PKD1: variants seen among roughly 807,000 people sequenced by gnomAD.
PKD1 encodes polycystin 1, transient receptor potential channel interacting, also known as polycystin-1.
A neutral mutation model predicts 361.7 loss-of-function variants in PKD1; 81 were observed. That is an observed-to-expected ratio of 0.22 (90% CI 0.19 to 0.27). The LOEUF (loss-of-function observed/expected upper bound fraction) is 0.27, where lower values mean the gene tolerates loss of function less well. PKD1 is among the 10% of genes least tolerant of loss of function. The pLI is 1.00. For missense variants in PKD1, 6,399 were observed against 6,118.3 expected (o/e 1.05, Z -1.53); for synonymous variants, 3,615 against 2,818.3 (o/e 1.28, Z -8.95).
chr16:2,104,529 G>A lies in PKD1; in HGVS notation c.8130C>T (p.Thr2710=), dbSNP rs548582219. 2.5e-4 allele frequency: 391 copies of A among 1,565,514 alleles called. No homozygotes were observed. In the African/African-American group the frequency reaches 3.5e-3, roughly 14 times the overall value. ...AETTAGTVTP[T]AIGDSILNIT... ...TGTTGAGGATGCTGTCTCCGATGGCGGTGGGCGTCACGGTGCCCGCGGTGG... is the reference window on the plus strand; with the variant it reads ...TGTTGAGGATGCTGTCTCCGATGGCAGTGGGCGTCACGGTGCCCGCGGTGG... The change falls in exon 22 of 46, where the codon ACC becomes ACT. Residue 2710 remains threonine, a synonymous_variant. Coordinates refer to ENST00000262304, the MANE Select transcript of PKD1 (RefSeq NM_001009944.3).
At position 2,127,009 on chromosome 16, in the gene PKD1, G is replaced by A. The variant is rs1016702587; in HGVS notation, c.216-7631C>T. Among the ~76,000 whole-genome samples, 27 of 152,278 alleles carry A rather than the reference G, an allele frequency of 1.8e-4. 1 individual carries two copies. The highest frequency in any genetic ancestry group is 1.3e-3 in the Admixed American group (20 of 15,306). Reference sequence around the variant, plus strand: ...GATGGCAGAGGAGATCCACAGAGACGGCTCCAGCAGGAGGCCCTCATAGAG... The same window carrying A: ...GATGGCAGAGGAGATCCACAGAGACAGCTCCAGCAGGAGGCCCTCATAGAG... On this transcript the variant is annotated intron_variant, in intron 1 of 45. Coordinates refer to ENST00000262304, the MANE Select transcript of PKD1 (RefSeq NM_001009944.3).
rs1486764809 is a variant in PKD1 at position 2,102,577 on chromosome 16, G to A, written c.9005C>T (p.Ser3002Leu). The change falls in exon 25 of 46, where the codon TCG (serine) becomes TTG (leucine). Residue 3002 changes from serine (S) to leucine (L), a missense_variant. By Grantham distance (145) the Ser-to-Leu change is moderately radical (BLOSUM62 -2). Coordinates refer to ENST00000262304, the MANE Select transcript of PKD1 (RefSeq NM_001009944.3). ...HLNLSSHFRW[S>L]ALQVSVGLYT... ...CAGGCCCACGGACACCTGCAGCGCC[G>A]ACCAGCGGAAGTGGCTGGAGAGGTT... 3 of 1,610,962 alleles carry A rather than the reference G, an allele frequency of 1.9e-6. No individual in the cohort carries two copies. The highest frequency in any genetic ancestry group is 1.3e-5 in the African/African-American group (1 of 74,894).
Position 2,097,886 on chromosome 16 carries a change from G to A in PKD1, c.10149C>T (p.Phe3383=), listed in dbSNP as rs777985330. The A allele has an allele frequency of 1.5e-5, 24 of 1,603,264 alleles. No homozygotes were observed. Among genetic ancestry groups the A allele is most frequent in the Admixed American group, 3.3e-5 (2 of 59,994 alleles). Residue 3383 remains phenylalanine, a synonymous_variant, in exon 31 of 46, where the codon TTC becomes TTT. Coordinates refer to ENST00000262304, the MANE Select transcript of PKD1 (RefSeq NM_001009944.3). ...TCCTCACCTCAGCGTGGAGGCCTGA[G>A]AACGTGAGGAAGGAGCTGTCCAGCA... ...SSVLDSSFLT[F]SGLHAEQAFV...
Position 2,089,002 on chromosome 16 carries a change from G to A in PKD1, c.*725C>T, listed in dbSNP as rs1180789393. On this transcript the variant is annotated 3_prime_UTR_variant, in exon 46 of 46. Transcript: ENST00000262304. ...CTAGTCCTGCTACTTGCCCAGACCT[G>A]ATGCCAGCAGGCCTGGGCGCTGCTC... The A allele has an allele frequency of 2.0e-5, 5 of 246,922 alleles. No individual in the cohort carries two copies. In the East Asian group the frequency reaches 2.7e-4, roughly 13 times the overall value. The allele number at this position is 246,922 out of a possible 1,614,324, so 15.3% of individuals were successfully genotyped here.
chr16:2,129,706 C>T (rs1250690422), intron 1 of PKD1, among the ~76,000 whole-genome samples: 3 of 151,762 alleles, frequency 2.0e-5, no homozygotes, highest in Non-Finnish European at 4.4e-5. Flanking sequence ...CATACCACCA[C>T]GCCCGGCCAA....
Position 2,116,659 on chromosome 16 carries a change from G to A in PKD1, c.1607-15C>T. The A allele has an allele frequency of 1.4e-6, 2 of 1,411,058 alleles. No individual in the cohort carries two copies. Among genetic ancestry groups the A allele is most frequent in the Non-Finnish European group, 1.9e-6 (2 of 1,032,610 alleles). The allele number at this position is 1,411,058 out of a possible 1,614,324, so 87.4% of individuals were successfully genotyped here. Reference sequence around the variant, plus strand: ...CTGCACTGGGCCTGGGGTGGCGAGTGCACAGTGAGGCGCCGGGCCAGGGCC... The same window carrying A: ...CTGCACTGGGCCTGGGGTGGCGAGTACACAGTGAGGCGCCGGGCCAGGGCC... On this transcript the variant is annotated splice_polypyrimidine_tract_variant and intron_variant, in intron 7 of 45. Transcript: ENST00000262304.
At chr16:2,099,574 G>C in intron 30 of PKD1, 70 bp downstream of exon 30, 1 of 1,474,350 alleles carries the variant, frequency 6.8e-7, no homozygotes, top group Middle Eastern at 2.4e-4. Flanking sequence ...CTGGAAAGTG[G>C]CGGCCCTAGG....
rs241572 is a variant in PKD1, at chr16:2,110,497, C to T, written c.4670G>A (p.Arg1557His). 16 of 1,612,184 alleles carry T rather than the reference C, an allele frequency of 9.9e-6. No homozygotes were observed. The highest frequency in any genetic ancestry group is 1.7e-4 in the Middle Eastern group (1 of 5,974). ...RVRGLVVNAS[R>H]TVVPLNGSVS... ...GCTCCCATTCAGGGGCACCACCGTG[C>T]GGCTTGCATTGACGACGAGCCCCCG... The change falls in exon 15 of 46, where the codon CGC (arginine) becomes CAC (histidine). Residue 1557 changes from arginine to histidine, a missense_variant. Transcript: ENST00000262304.
chr16:2,091,819 C>A lies in PKD1; in HGVS notation c.11499G>T (p.Arg3833=). The change falls in exon 41 of 46, where the codon CGG becomes CGT. Residue 3833 remains arginine (R), a synonymous_variant. Coordinates refer to ENST00000262304, the MANE Select transcript of PKD1 (RefSeq NM_001009944.3). ...LGLSLEESRD[R]LRFLQLHNWL... ...AGTTGTGCAGCTGCAGGAAGCGCAG[C>A]CGGTCGCGGCTCTCCTCCAGGCTCA... 1 of 1,610,214 alleles carries A rather than the reference C, an allele frequency of 6.2e-7. No homozygotes were observed. The highest frequency in any genetic ancestry group is 8.5e-7 in the Non-Finnish European group (1 of 1,179,210).
chr16:2,098,238 T>C, intron 30 of PKD1: 1 of 554,452 alleles, frequency 1.8e-6, no homozygotes, highest in Non-Finnish European at 3.3e-6. Flanking sequence ...TTAGATGGAG[T>C]CTCGCTGTCA....
intron 30 of PKD1, chr16:2,099,205 G>A (rs550995960): frequency 8.7e-5 from 30 of 346,416 alleles, no homozygotes; most frequent in African/African-American, 3.2e-4. Context: ...ACTCAGATCC[G>A]CCCACCTCGG....
At position 2,111,598 on chromosome 16, in the gene PKD1, C is replaced by A. The variant is rs140152387; in HGVS notation, c.3569G>T (p.Arg1190Leu). ...GCTCACCGTGTTGTTGACCTCCAGG[C>A]GCACGTGGTAGGTGCCCCTCGAGGC... ...TYASRGTYHV[R>L]LEVNNTVSGA... The change falls in exon 15 of 46, where the codon CGC (arginine) becomes CTC (leucine). Residue 1190 changes from arginine (R) to leucine (L), a missense_variant. Coordinates refer to ENST00000262304, the MANE Select transcript of PKD1 (RefSeq NM_001009944.3). 30 of 1,573,156 alleles carry A rather than the reference C, an allele frequency of 1.9e-5. 1 individual carries two copies. The African/African-American group carries it at 2.6e-4, about 13-fold the overall frequency.
At chr16:2,113,335 T>C (rs2092568839) in intron 11 of PKD1, 43 bp from the exon 12 acceptor site, 8 of 1,593,224 alleles carry the variant, frequency 5.0e-6, no homozygotes, top group South Asian at 1.1e-5. Context: ...TGGAGGACTC[T>C]GCCCTTAGCC....
At chr16:2,111,948 T>C (rs2092519735) in intron 14 of PKD1, 77 bp from the exon 15 acceptor site, 3 of 1,500,118 alleles carry the variant, frequency 2.0e-6, no homozygotes, top group Non-Finnish European at 2.8e-6. Context: ...GCCCCCCGCC[T>C]GAGGAGCCCG....
intron 1 of PKD1, among the ~76,000 whole-genome samples, chr16:2,133,448 T>C (rs2519236): frequency 0.18 from 22,740 of 128,420 alleles, 3,120 homozygotes; most frequent in African/African-American, 0.37. Context: ...AGCAACGCTC[T>C]TGGACCCTTG....
rs768878884 is a variant in PKD1, at chr16:2,093,916, G to C, written c.10716C>G (p.Val3572=). The C allele has an allele frequency of 3.2e-6, 5 of 1,582,532 alleles. No individual in the cohort carries two copies. In the African/African-American group the frequency reaches 5.4e-5, roughly 17 times the overall value. The change falls in exon 36 of 46, where the codon GTC becomes GTG. Residue 3572 remains valine, a synonymous_variant. Transcript: ENST00000262304. ...SLLLVAVAVA[V]SGWVGASFPP... ...GGAAGCTCGCACCCACCCACCCTGA[G>C]ACAGCCACAGCCACAGCCACCAGGA...
intron 2 of PKD1, 54 bp downstream of exon 2, chr16:2,119,253 C>T (rs2092685275): frequency 2.3e-6 from 3 of 1,286,566 alleles, no homozygotes; most frequent in South Asian, 1.2e-5. Context: ...GAGGCGGTGC[C>T]GCCAGCCCAC....
intron 26 of PKD1, 165 bp downstream of exon 26, chr16:2,101,896 G>GT (rs2092112331): frequency 1.5e-6 from 1 of 647,100 alleles, no homozygotes; most frequent in African/African-American, 1.8e-5. Flanking sequence ...CTCAGGGACA[G>GT]TGAGTGCTCA....
rs769208706 is a variant in PKD1 at position 2,099,652 on chromosome 16, G to A, written c.10042C>T (p.Arg3348Trp). ...CCCCAGCCCCAGCCCACCTTGCTCC[G>A]GGACATCCGGAAGAGAAAAAGGATG... ...LAILFLFRMS[R>W]SKVAGSPSPT... The change falls in exon 30 of 46, where the codon CGG becomes TGG. Residue 3348 changes from arginine (R) to tryptophan (W), a missense_variant. Coordinates refer to ENST00000262304, the MANE Select transcript of PKD1 (RefSeq NM_001009944.3). The A allele has an allele frequency of 3.1e-5, 49 of 1,591,240 alleles. No individual in the cohort carries two copies. Among genetic ancestry groups the A allele is most frequent in the African/African-American group, 9.4e-5 (7 of 74,658 alleles).
Sources: gnomAD v4.1 joint callset for allele counts (sites outside exome capture counted in the v4.1 genomes callset) on GRCh38, gnomAD v4.1.1 for gene constraint, MANE v1.5 for transcripts, NCBI Gene and HGNC (gene_info 2026-07-23, HGNC 2026-07-21) for gene names.